SLC9A2: variants seen among roughly 807,000 people sequenced by gnomAD.
SLC9A2 encodes sodium/hydrogen exchanger 2.
In SLC9A2, 42 loss-of-function variants were observed where a neutral mutation model predicts 71.7. The ratio of observed to expected loss-of-function variants is 0.59; its 90% CI spans 0.46 to 0.76. The LOEUF (loss-of-function observed/expected upper bound fraction) is 0.76, where lower values mean the gene tolerates loss of function less well. SLC9A2 is among the 30% of genes least tolerant of loss of function. The pLI, the probability that SLC9A2 is intolerant of heterozygous loss-of-function variation, is 0.00. For missense variants in SLC9A2, 829 were observed against 1,017.4 expected (o/e 0.81, Z 2.52); for synonymous variants, 396 against 392.5 (o/e 1.01, Z -0.10).
intron 5 of SLC9A2, among the ~76,000 whole-genome samples, chr2:102,685,086 A>G (rs1262987404): frequency 6.6e-6 from 1 of 152,350 alleles, no homozygotes; most frequent in South Asian, 2.1e-4. Context: ...CGTGGGGGAA[A>G]TGTTACAATT....
intron 3 of SLC9A2, among the ~76,000 whole-genome samples, chr2:102,678,940 CT>C (rs1188479368): frequency 2.6e-5 from 4 of 152,152 alleles, no homozygotes; most frequent in African/African-American, 9.7e-5. Flanking sequence ...GTGTTTACTT[CT>C]GATATTTTTG....
chr2:102,665,364 T>C lies in SLC9A2; in HGVS notation c.1004+14T>C. On this transcript the variant is annotated intron_variant, in intron 3 of 11. Coordinates refer to ENST00000233969, the MANE Select transcript of SLC9A2 (RefSeq NM_003048.6). The stretch of plus-strand genomic sequence containing the variant: ...AGGCATCATGGCGTAAGTACTTCTT[T>C]GTTAAAAGTGCTCGATGATGGCATT... 1 of 1,599,818 alleles carries C rather than the reference T, an allele frequency of 6.3e-7. No individual in the cohort carries two copies. Among genetic ancestry groups the C allele is most frequent in the East Asian group, 2.2e-5 (1 of 44,538 alleles).
intron 1 of SLC9A2, among the ~76,000 whole-genome samples, chr2:102,626,353 A>G: frequency 6.6e-6 from 1 of 152,256 alleles, no homozygotes; most frequent in Non-Finnish European, 1.5e-5. Context: ...TGGTGCTGGG[A>G]AAACTGGCTA....
intron 8 of SLC9A2, 89 bp from the exon 9 acceptor site, chr2:102,702,315 CTT>C (rs1677887060): frequency 1.4e-6 from 1 of 711,092 alleles, no homozygotes; most frequent in African/African-American, 1.9e-5. Context: ...CAAATTAAGA[CTT>C]GTCTTAAATA....
Position 102,619,938 on chromosome 2 carries a change from C to T in SLC9A2, c.90C>T (p.Gly30=). 6 of 1,607,056 alleles carry T rather than the reference C, an allele frequency of 3.7e-6. No individual in the cohort carries two copies. The highest frequency in any genetic ancestry group is 4.3e-6 in the Non-Finnish European group (5 of 1,176,310). The change falls in exon 1 of 12, where the codon GGC becomes GGT. Residue 30 remains glycine, a synonymous_variant. Transcript: ENST00000233969. The surrounding 1 kb of genome is among the most constrained non-coding windows in gnomAD (Gnocchi z 4.3). ...LLLLQVAGPV[G]ALAETLLNAP... is the part of the protein sequence containing the mutation. ...TCCTGCAGGTGGCGGGGCCCGTGGGCGCCCTGGCGGAGACCTTGCTGAACG... is the reference window on the plus strand; with the variant it reads ...TCCTGCAGGTGGCGGGGCCCGTGGGTGCCCTGGCGGAGACCTTGCTGAACG...
intron 3 of SLC9A2, among the ~76,000 whole-genome samples, chr2:102,676,416 A>G (rs1363245575): frequency 1.3e-5 from 2 of 152,222 alleles, no homozygotes; most frequent in Non-Finnish European, 2.9e-5. Context: ...TTAGGTGCCA[A>G]TAAGTGATCT....
intron 3 of SLC9A2, among the ~76,000 whole-genome samples, chr2:102,672,739 C>T (rs1259207531): frequency 1.3e-5 from 2 of 152,102 alleles, no homozygotes; most frequent in Non-Finnish European, 2.9e-5. Context: ...GTTGTGGCTG[C>T]TGCAGGAATG....
intron 9 of SLC9A2, among the ~76,000 whole-genome samples, chr2:102,704,065 G>A (rs1420036094): frequency 3.3e-5 from 5 of 152,162 alleles, no homozygotes; most frequent in Non-Finnish European, 7.3e-5. Context: ...CCTACAAGAG[G>A]CTTCAAGGTA....
rs146727651 is a variant in SLC9A2, at chr2:102,665,122, C to G, written c.776C>G (p.Ser259Trp). The G allele has an allele frequency of 1.1e-5, 17 of 1,612,822 alleles. No homozygotes were observed. The highest frequency in any genetic ancestry group is 1.3e-5 in the African/African-American group (1 of 74,676). The change falls in exon 3 of 12, where the codon TCG becomes TGG. Residue 259 changes from serine (S) to tryptophan (W), a missense_variant. By Grantham distance (177) the Ser-to-Trp change is radical. Coordinates refer to ENST00000233969, the MANE Select transcript of SLC9A2 (RefSeq NM_003048.6). ...CAGGTCCTGTACAACTTGTTCAAGT[C>G]GTTTTGCCAGATGAAAACCATTGAG... ...VTVVLYNLFK[S>W]FCQMKTIETI...
At chr2:102,684,098 C>G (rs758771952) in intron 4 of SLC9A2, 36 bp from the exon 5 acceptor site, 1 of 1,553,596 alleles carries the variant, frequency 6.4e-7, no homozygotes, top group South Asian at 1.1e-5. Context: ...TTGGCCTCAC[C>G]CAGTCTGTTT....
At chr2:102,638,720 C>A (rs112101765) in intron 1 of SLC9A2, among the ~76,000 whole-genome samples, 185 of 152,304 alleles carry the variant, frequency 1.2e-3, no homozygotes, top group African/African-American at 4.2e-3. Context: ...TGAGTCTGGG[C>A]GCAGTGGCTT....
At chr2:102,691,052 T>A (rs1237507355) in intron 5 of SLC9A2, among the ~76,000 whole-genome samples, 1 of 151,302 alleles carries the variant, frequency 6.6e-6, no homozygotes, top group African/African-American at 2.4e-5. Flanking sequence ...TGTTTTCCCC[T>A]CTGATATAAA....
chr2:102,698,015 C>A (rs1677799677), intron 7 of SLC9A2, among the ~76,000 whole-genome samples: 2 of 151,858 alleles, frequency 1.3e-5, no homozygotes, highest in Admixed American at 1.3e-4. Flanking sequence ...GGAAATGAAG[C>A]AAGGAAAACG....
At chr2:102,620,247 T>C in intron 1 of SLC9A2, 110 bp downstream of exon 1, 1 of 937,068 alleles carries the variant, frequency 1.1e-6, no homozygotes, top group Non-Finnish European at 1.6e-6. Flanking sequence ...TCATCTTGAA[T>C]CAGGGCAGGG....
At chr2:102,648,618 C>A (rs2104513324) in intron 1 of SLC9A2, among the ~76,000 whole-genome samples, 1 of 152,226 alleles carries the variant, frequency 6.6e-6, no homozygotes, top group South Asian at 2.1e-4. Context: ...CCAAAAACTC[C>A]TAATAAGCAA....
In SLC9A2 at chr2:102,684,350, TCCC is replaced by T; in HGVS notation, c.1425+15_1425+17del. The T allele has an allele frequency of 6.2e-7, 1 of 1,606,654 alleles. No homozygotes were observed. The highest frequency in any genetic ancestry group is 8.5e-7 in the Non-Finnish European group (1 of 1,173,140). On this transcript the variant is annotated intron_variant, in intron 5 of 11. Transcript: ENST00000233969. ...GTCTTCATTCTGGTAAGTAGAGTGA[TCCC>T]TTTACCAGGAGGGTAAAAAATATCG...
At chr2:102,641,380 C>T (rs942741618) in intron 1 of SLC9A2, among the ~76,000 whole-genome samples, 3 of 151,918 alleles carry the variant, frequency 2.0e-5, no homozygotes, top group Non-Finnish European at 4.4e-5. Context: ...ATGACAGGTC[C>T]CAGAACACAT....
At chr2:102,674,411 G>T (rs910857000) in intron 3 of SLC9A2, among the ~76,000 whole-genome samples, 1 of 152,162 alleles carries the variant, frequency 6.6e-6, no homozygotes, top group Non-Finnish European at 1.5e-5. Context: ...GGCTTCTGGG[G>T]TGAGGAGAGT....
intron 1 of SLC9A2, among the ~76,000 whole-genome samples, chr2:102,643,413 T>C (rs1676650160): frequency 6.6e-6 from 1 of 152,184 alleles, no homozygotes; most frequent in Admixed American, 6.5e-5. Flanking sequence ...GGAGCAGTTA[T>C]TGTGTAAAAC....
Sources: gnomAD v4.1 joint callset for allele counts (sites outside exome capture counted in the v4.1 genomes callset) on GRCh38, gnomAD v4.1.1 for gene constraint, Gnocchi (gnomAD v3.1) non-coding constraint, MANE v1.5 for transcripts, NCBI Gene and HGNC (gene_info 2026-07-23, HGNC 2026-07-21) for gene names.